UVRAG: variants seen among roughly 807,000 people sequenced by gnomAD.
The protein encoded by UVRAG is UV radiation resistance associated.
A neutral mutation model predicts 78.0 loss-of-function variants in UVRAG; 19 were observed. That is an observed-to-expected ratio of 0.24 (90% CI 0.17 to 0.36). The LOEUF is 0.36. Ranked by LOEUF, UVRAG falls within the 10% of genes least tolerant of loss-of-function variation. UVRAG has a pLI of 1.00. For synonymous variants in UVRAG, 323 were observed against 324.6 expected (o/e 1.00, Z 0.05); for missense variants, 740 against 853.8 (o/e 0.87, Z 1.66).
At chr11:75,819,020 T>C (rs1945328522) in intron 1 of UVRAG, among the ~76,000 whole-genome samples, 1 of 152,198 alleles carries the variant, frequency 6.6e-6, no homozygotes. Context: ...CAAATGTTTC[T>C]TAGGGGGCAA....
chr11:75,847,991 G>T (rs1946072516), intron 1 of UVRAG, among the ~76,000 whole-genome samples: 1 of 146,100 alleles, frequency 6.8e-6, no homozygotes, highest in Admixed American at 6.8e-5. Flanking sequence ...AAAGAAAAAA[G>T]GATTTATTAG....
At chr11:76,092,605 G>T (rs1241074491) in intron 13 of UVRAG, among the ~76,000 whole-genome samples, 9 of 152,132 alleles carry the variant, frequency 5.9e-5, no homozygotes, top group Non-Finnish European at 8.8e-5. Flanking sequence ...TGAGCATTTT[G>T]TCATGTGTCT....
intron 13 of UVRAG, among the ~76,000 whole-genome samples, chr11:76,067,572 C>T (rs1054419270): frequency 2.0e-5 from 3 of 152,042 alleles, no homozygotes; most frequent in African/African-American, 7.2e-5. Flanking sequence ...GCCTGGGCAA[C>T]ATGGCAAAAC....
intron 5 of UVRAG, among the ~76,000 whole-genome samples, chr11:75,891,539 C>T (rs1385618837): frequency 1.3e-5 from 2 of 152,198 alleles, no homozygotes; most frequent in South Asian, 2.1e-4. Flanking sequence ...ACCCCAAGAA[C>T]CTTATAGCCA....
intron 12 of UVRAG, among the ~76,000 whole-genome samples, chr11:76,043,576 G>T (rs624605): frequency 0.49 from 74,475 of 151,984 alleles, 20,052 homozygotes; most frequent in African/African-American, 0.72. Flanking sequence ...GTCTCTAGTA[G>T]TATATTCAAA....
chr11:75,965,792 T>C (rs1225212938), intron 7 of UVRAG, among the ~76,000 whole-genome samples: 3 of 152,242 alleles, frequency 2.0e-5, no homozygotes, highest in Non-Finnish European at 4.4e-5. Flanking sequence ...AATCTTGTTA[T>C]ATTAACTTAT....
intron 6 of UVRAG, among the ~76,000 whole-genome samples, chr11:75,924,552 AT>A (rs199575487): frequency 0.019 from 2,843 of 150,202 alleles, 125 homozygotes; most frequent in Admixed American, 0.12. Context: ...ATGCCCAGCT[AT>A]TTTTTTTTGT....
Position 75,882,799 on chromosome 11 carries a change from T to A in UVRAG, c.432+2759T>A, listed in dbSNP as rs983888255. ...AAGTGAGATCATGCTTTTAACATAT[T>A]TTTTTTATTTTGTGTCCTATAGTGA... On this transcript the variant is annotated intron_variant, in intron 4 of 14. Coordinates refer to ENST00000356136, the MANE Select transcript of UVRAG (RefSeq NM_003369.4). 2.6e-5 allele frequency among the ~76,000 whole-genome samples: 4 copies of A among 152,050 alleles called. No homozygotes were observed. In the South Asian group the frequency reaches 6.2e-4, roughly 24 times the overall value.
chr11:75,823,620 C>T (rs147171621), intron 1 of UVRAG, among the ~76,000 whole-genome samples: 51 of 152,322 alleles, frequency 3.3e-4, no homozygotes, highest in African/African-American at 1.2e-3. Context: ...CAGGCATGAG[C>T]GACTGCACTG....
At chr11:76,008,358 A>C (rs924556618) in intron 10 of UVRAG, among the ~76,000 whole-genome samples, 2 of 152,194 alleles carry the variant, frequency 1.3e-5, no homozygotes, top group Non-Finnish European at 2.9e-5. Context: ...CTTAGAATGA[A>C]TGAAAAAAGG....
At chr11:75,892,453 C>A in intron 5 of UVRAG, 1 of 939,628 alleles carries the variant, frequency 1.1e-6, no homozygotes, top group Non-Finnish European at 1.3e-6. Flanking sequence ...TCTATGCTGG[C>A]ACTATTCTAA....
intron 12 of UVRAG, among the ~76,000 whole-genome samples, chr11:76,041,392 A>G (rs1950646740): frequency 6.6e-6 from 1 of 152,184 alleles, no homozygotes; most frequent in South Asian, 2.1e-4. Flanking sequence ...CCCAGAGGAG[A>G]GCAGGTGGAG....
intron 12 of UVRAG, among the ~76,000 whole-genome samples, chr11:76,026,656 A>G (rs1950331500): frequency 6.6e-6 from 1 of 152,174 alleles, no homozygotes; most frequent in Non-Finnish European, 1.5e-5. Flanking sequence ...TAGAGCACTC[A>G]GTAGACCCAG....
At chr11:75,944,283 T>A (rs1425520384) in intron 6 of UVRAG, among the ~76,000 whole-genome samples, 1 of 152,164 alleles carries the variant, frequency 6.6e-6, no homozygotes, top group East Asian at 1.9e-4. Context: ...GAACAAGTTA[T>A]CTTAGACTAA....
chr11:75,837,515 T>A (rs1945812380), intron 1 of UVRAG: 1 of 152,306 alleles, frequency 6.6e-6, no homozygotes, highest in South Asian at 2.1e-4. Flanking sequence ...TTGTACTTTT[T>A]AAAAATTGTT....
At chr11:76,124,706 C>T (rs1367100873) in intron 14 of UVRAG, among the ~76,000 whole-genome samples, 1 of 152,222 alleles carries the variant, frequency 6.6e-6, no homozygotes, top group East Asian at 1.9e-4. Flanking sequence ...GTGAGGCCAT[C>T]CCATTTTAGT....
chr11:75,954,970 G>T (rs1209971186), intron 6 of UVRAG, among the ~76,000 whole-genome samples: 1 of 152,164 alleles, frequency 6.6e-6, no homozygotes, highest in African/African-American at 2.4e-5. Context: ...AGAACTTGTA[G>T]GCACATAGAA....
At chr11:76,125,214 G>C (rs950428304) in intron 14 of UVRAG, among the ~76,000 whole-genome samples, 2 of 152,118 alleles carry the variant, frequency 1.3e-5, no homozygotes, top group Admixed American at 1.3e-4. Context: ...TATCAGATAG[G>C]CTCGCCTTTG....
chr11:75,876,504 T>C (rs563880576), intron 3 of UVRAG, among the ~76,000 whole-genome samples: 2 of 152,230 alleles, frequency 1.3e-5, no homozygotes, highest in South Asian at 2.1e-4. Flanking sequence ...AAAACAGTTA[T>C]AGTGAGATAC....
Sources: gnomAD v4.1 joint callset for allele counts (sites outside exome capture counted in the v4.1 genomes callset) on GRCh38, gnomAD v4.1.1 for gene constraint, MANE v1.5 for transcripts, NCBI Gene and HGNC (gene_info 2026-07-23, HGNC 2026-07-21) for gene names.